RAPH1: variants seen among roughly 807,000 people sequenced by gnomAD.
RAPH1 encodes the protein ras-associated and pleckstrin homology domains-containing protein 1.
A neutral mutation model predicts 88.1 loss-of-function variants in RAPH1; 18 were observed. The observed-to-expected ratio is 0.20, with a 90% CI of 0.14 to 0.30. RAPH1 has a LOEUF of 0.30. Among genes scored for constraint, RAPH1 ranks in the 10% least tolerant of loss-of-function variants. The probability of loss-of-function intolerance (pLI) is 1.00; values close to 1 mark genes in which losing one functional copy is unlikely to be tolerated. For missense variants in RAPH1, 1,448 were observed against 1,543.2 expected, an observed-to-expected ratio of 0.94 and a Z score of 1.03; for synonymous variants, 587 against 559.0, an observed-to-expected ratio of 1.05 and a Z score of -0.71.
intron 4 of RAPH1, among the ~76,000 whole-genome samples, chr2:203,481,934 A>C (rs1687748315): frequency 6.6e-6 from 1 of 151,612 alleles, no homozygotes; most frequent in Non-Finnish European, 1.5e-5. Context: ...GTCTAAAAAA[A>C]AGGTCCTTCA....
intron 4 of RAPH1, among the ~76,000 whole-genome samples, chr2:203,480,612 T>C (rs970747938): frequency 6.6e-6 from 1 of 152,060 alleles, no homozygotes; most frequent in Non-Finnish European, 1.5e-5. Context: ...AGCCAAACCA[T>C]TATAAAGAAA....
intron 1 of RAPH1, among the ~76,000 whole-genome samples, chr2:203,527,351 T>C (rs143292619): frequency 6.6e-6 from 1 of 152,270 alleles, no homozygotes; most frequent in East Asian, 1.9e-4. Flanking sequence ...TATTAAATAA[T>C]TGTAGGTATT....
intron 1 of RAPH1, among the ~76,000 whole-genome samples, chr2:203,522,237 T>C (rs903224250): frequency 1.3e-5 from 2 of 152,242 alleles, no homozygotes; most frequent in African/African-American, 4.8e-5. Context: ...TAGATGGTCC[T>C]GTTATGAATT....
chr2:203,457,428 C>T, intron 8 of RAPH1, 102 bp downstream of exon 8: 1 of 890,568 alleles, frequency 1.1e-6, no homozygotes, highest in South Asian at 1.3e-5. Flanking sequence ...TTGTGATTCA[C>T]TCACCTCAGC....
At chr2:203,496,183 A>AC (rs1478023382) in intron 1 of RAPH1, among the ~76,000 whole-genome samples, 1 of 151,900 alleles carries the variant, frequency 6.6e-6, no homozygotes, top group Non-Finnish European at 1.5e-5. Context: ...ACATGGCAAA[A>AC]CCCCGTCTCT....
intron 4 of RAPH1, among the ~76,000 whole-genome samples, chr2:203,481,529 T>C (rs1687718600): frequency 6.6e-6 from 1 of 150,772 alleles, no homozygotes; most frequent in South Asian, 2.1e-4. Context: ...TAAAACTATT[T>C]CTTTTTGTTT....
intron 1 of RAPH1, among the ~76,000 whole-genome samples, chr2:203,517,579 C>T (rs1051347021): frequency 2.0e-5 from 3 of 152,080 alleles, no homozygotes; most frequent in Admixed American, 1.3e-4. Context: ...CTCAAGCTCA[C>T]ACTGAATATA....
chr2:203,438,656 A>G lies in RAPH1; in HGVS notation c.*781T>C, dbSNP rs2098500431. 6.2e-6 allele frequency: 1 copy of G among 162,558 alleles called. No individual in the cohort carries two copies. The highest frequency in any genetic ancestry group is 2.4e-5 in the African/African-American group (1 of 41,532). 10.1% of individuals were successfully genotyped at this position (162,558 alleles called of 1,614,324 possible). ...ATAGCACTAATTATCCATGTATTGT[A>G]GGCAAAGAGCTTATCTGTCAGCACA... On this transcript the variant is annotated 3_prime_UTR_variant, in exon 14 of 14. Coordinates refer to ENST00000319170, the MANE Select transcript of RAPH1 (RefSeq NM_213589.3).
At chr2:203,459,842 C>A in intron 7 of RAPH1, 65 bp downstream of exon 7, 1 of 1,509,928 alleles carries the variant, frequency 6.6e-7, no homozygotes, top group Non-Finnish European at 9.1e-7. Context: ...TCTAACTTAG[C>A]AGTAATCGAA....
chr2:203,438,767 C>T lies in RAPH1; in HGVS notation c.*670G>A, dbSNP rs1243683084. 1.3e-5 allele frequency: 2 copies of T among 154,920 alleles called. No individual in the cohort carries two copies. The highest frequency in any genetic ancestry group is 2.9e-5 in the Non-Finnish European group (2 of 69,766). The allele number at this position is 154,920 out of a possible 1,614,324, so 9.6% of individuals were successfully genotyped here. ...CCATGTATTTACTTTCTATGCACAA[C>T]CACATACAGATGATGTCTGTGAACA... On this transcript the variant is annotated 3_prime_UTR_variant, in exon 14 of 14. Transcript: ENST00000319170.
chr2:203,489,106 T>G (rs1688123792), intron 4 of RAPH1, among the ~76,000 whole-genome samples: 1 of 148,312 alleles, frequency 6.7e-6, no homozygotes, highest in Non-Finnish European at 1.5e-5. Context: ...AGCCTGGGCA[T>G]GAGTTGTACA....
In RAPH1 at chr2:203,435,698, C is replaced by T. The variant is rs2098497964; in HGVS notation, c.*3739G>A. 1.3e-5 allele frequency: 2 copies of T among 152,192 alleles called. No homozygotes were observed. The highest frequency in any genetic ancestry group is 4.2e-4 in the South Asian group (2 of 4,812). The allele number at this position is 152,192 out of a possible 1,614,324, so 9.4% of individuals were successfully genotyped here. ...TGGTCTAAACTTGAGTGGATTAAAT[C>T]AGTTGTAATTAGTTAGCTCTGTAGG... On this transcript the variant is annotated 3_prime_UTR_variant, in exon 14 of 14. Coordinates refer to ENST00000319170, the MANE Select transcript of RAPH1 (RefSeq NM_213589.3).
intron 4 of RAPH1, among the ~76,000 whole-genome samples, chr2:203,486,257 T>A (rs936300145): frequency 1.1e-4 from 16 of 152,204 alleles, no homozygotes; most frequent in African/African-American, 3.6e-4. Context: ...AAACATATAT[T>A]CATTCCAGTA....
chr2:203,480,153 T>G (rs1687657374), intron 4 of RAPH1, among the ~76,000 whole-genome samples: 1 of 152,224 alleles, frequency 6.6e-6, no homozygotes, highest in Non-Finnish European at 1.5e-5. Context: ...CAAAGTAAGT[T>G]ATGAATCACT....
chr2:203,459,878 C>T, intron 7 of RAPH1, 29 bp downstream of exon 7: 1 of 1,602,600 alleles, frequency 6.2e-7, no homozygotes, highest in Non-Finnish European at 8.5e-7. Flanking sequence ...ATTTACAAAT[C>T]CTGACCTCTG....
At chr2:203,444,296 G>A in intron 13 of RAPH1, 1 of 152,078 alleles carries the variant, frequency 6.6e-6, no homozygotes, top group Non-Finnish European at 1.5e-5. Flanking sequence ...GCTGGGCGTG[G>A]TAGCATGTGC....
chr2:203,483,973 A>G (rs918741719), intron 4 of RAPH1, among the ~76,000 whole-genome samples: 12 of 151,964 alleles, frequency 7.9e-5, no homozygotes, highest in African/African-American at 2.9e-4. Context: ...TCACACTACC[A>G]CCATCCTAGG....
intron 12 of RAPH1, chr2:203,447,735 T>G: frequency 2.9e-6 from 1 of 339,726 alleles, no homozygotes; most frequent in East Asian, 4.9e-5. Context: ...AAAACTGGCT[T>G]TAGAAATCTA....
chr2:203,513,673 A>G (rs1472291106), intron 1 of RAPH1, among the ~76,000 whole-genome samples: 1 of 144,764 alleles, frequency 6.9e-6, no homozygotes, highest in Non-Finnish European at 1.6e-5. Flanking sequence ...CGTCTCTACT[A>G]AAAATACAAA....
Sources: gnomAD v4.1 joint callset for allele counts (sites outside exome capture counted in the v4.1 genomes callset) on GRCh38, gnomAD v4.1.1 for gene constraint, MANE v1.5 for transcripts, NCBI Gene and HGNC (gene_info 2026-07-23, HGNC 2026-07-21) for gene names.